FGD6: variants seen among roughly 807,000 people sequenced by gnomAD.
The protein encoded by FGD6 is FYVE, RhoGEF and PH domain-containing protein 6.
Under a neutral mutation model 149.4 loss-of-function variants are expected in FGD6, and 90 were observed. That is an observed-to-expected ratio of 0.60 (90% CI 0.51 to 0.72). FGD6 has a LOEUF of 0.72. FGD6 is among the 30% of genes least tolerant of loss of function. FGD6 has a pLI of 0.00. For missense variants in FGD6, 1,437 were observed against 1,684.8 expected (o/e 0.85, Z 2.57); for synonymous variants, 527 against 584.0 (o/e 0.90, Z 1.41).
intron 3 of FGD6, among the ~76,000 whole-genome samples, chr12:95,154,890 C>G (rs116936039): frequency 6.6e-6 from 1 of 152,154 alleles, no homozygotes; most frequent in African/African-American, 2.4e-5. Flanking sequence ...TTCCCTGAGA[C>G]TCACTGTGAT....
At chr12:95,162,674 GGT>G (rs1238621481) in intron 3 of FGD6, among the ~76,000 whole-genome samples, 1 of 152,154 alleles carries the variant, frequency 6.6e-6, no homozygotes, top group African/African-American at 2.4e-5. Flanking sequence ...ATCAGGCAGA[GGT>G]GTGTCAATCA....
chr12:95,105,044 T>A lies in FGD6; in HGVS notation c.3460A>T (p.Ile1154Phe). The A allele has an allele frequency of 6.2e-7, 1 of 1,609,002 alleles. No homozygotes were observed. The highest frequency in any genetic ancestry group is 8.5e-7 in the Non-Finnish European group (1 of 1,178,900). Residue 1154 changes from isoleucine to phenylalanine, a missense_variant, in exon 14 of 21, where the codon ATT (isoleucine) becomes TTT (phenylalanine). Coordinates refer to ENST00000343958, the MANE Select transcript of FGD6 (RefSeq NM_018351.4). ...TQEAYQNELK[I>F]ESVERSFILS... ...ATGAAGGAACGTTCTACACTTTCAA[T>A]CTTTAATTCATTCTGATAGGCTTCT...
intron 8 of FGD6, among the ~76,000 whole-genome samples, chr12:95,123,490 C>A: frequency 6.6e-6 from 1 of 152,068 alleles, no homozygotes; most frequent in East Asian, 1.9e-4. Flanking sequence ...TCCCCAGGTC[C>A]CTTTTTAGTG....
At chr12:95,127,131 T>C (rs1406209895) in intron 8 of FGD6, among the ~76,000 whole-genome samples, 1 of 152,148 alleles carries the variant, frequency 6.6e-6, no homozygotes, top group African/African-American at 2.4e-5. Flanking sequence ...TTTTTTTTTT[T>C]TTAAATCAAG....
chr12:95,112,535 G>A (rs1308102213), intron 9 of FGD6, among the ~76,000 whole-genome samples: 1 of 152,040 alleles, frequency 6.6e-6, no homozygotes, highest in Admixed American at 6.6e-5. Context: ...AGGAGGCAGA[G>A]GTTGCAGTGA....
chr12:95,107,066 A>G (rs1878652948), intron 12 of FGD6, 29 bp from the exon 13 acceptor site: 1 of 1,545,162 alleles, frequency 6.5e-7, no homozygotes, highest in African/African-American at 1.4e-5. Context: ...CAGGGGAGAA[A>G]GTAAAGAAAC....
At position 95,083,030 on chromosome 12, in the gene FGD6, T is replaced by TATATATATACAC. The variant is rs772685891; in HGVS notation, c.4256+1467_4256+1468insGTGTATATATAT. 7.8e-3 allele frequency among the ~76,000 whole-genome samples: 441 copies of TATATATATACAC among 56,496 alleles called. 11 individuals are homozygous for TATATATATACAC. The highest frequency in any genetic ancestry group is 0.011 in the Non-Finnish European group (343 of 30,520). The allele number at this position is 56,496 out of a possible 152,430, so 37.1% of individuals were successfully genotyped here. A position where few individuals can be genotyped will look rare whatever the true frequency, so the allele number is the denominator to read the frequency against. On this transcript the variant is annotated intron_variant, in intron 20 of 20. Coordinates refer to ENST00000343958, the MANE Select transcript of FGD6 (RefSeq NM_018351.4). ...AAAAAAAAATATATATATATATATATACACACACATACACACACACACACA... is the reference window on the plus strand; with the variant it reads ...AAAAAAAAATATATATATATATATATATATATATACACACACACACATACACACACACACACA...
intron 3 of FGD6, among the ~76,000 whole-genome samples, chr12:95,156,198 T>G (rs547351524): frequency 3.9e-5 from 6 of 152,310 alleles, no homozygotes; most frequent in Admixed American, 6.5e-5. Context: ...ACAAGAGAGA[T>G]AACTTTAAAC....
At chr12:95,151,940 T>G (rs1353279068) in intron 5 of FGD6, among the ~76,000 whole-genome samples, 1 of 152,176 alleles carries the variant, frequency 6.6e-6, no homozygotes, top group East Asian at 1.9e-4. Flanking sequence ...TAATGAAACT[T>G]GTGAAAACCT....
rs1565932993 is a variant in FGD6 at position 95,217,254 on chromosome 12, A to G, written c.-14T>C. 1 of 1,608,756 alleles carries G rather than the reference A, an allele frequency of 6.2e-7. No individual in the cohort carries two copies. Among genetic ancestry groups the G allele is most frequent in the African/African-American group, 1.3e-5 (1 of 74,798 alleles). ...TGCAGAAGTCATGATTCCCCGGTGC[A>G]GCTCGCTTCCCCGCTCGGCCCCTCA... On this transcript the variant is annotated 5_prime_UTR_variant, in exon 1 of 21. Transcript: ENST00000343958.
At chr12:95,135,771 A>C (rs901619252) in intron 7 of FGD6, among the ~76,000 whole-genome samples, 1 of 152,232 alleles carries the variant, frequency 6.6e-6, no homozygotes, top group Non-Finnish European at 1.5e-5. Flanking sequence ...ATGAAATTAT[A>C]ATGATAATGC....
At chr12:95,162,948 G>A (rs1880689962) in intron 3 of FGD6, among the ~76,000 whole-genome samples, 1 of 152,068 alleles carries the variant, frequency 6.6e-6, no homozygotes, top group African/African-American at 2.4e-5. Flanking sequence ...CACTATTACA[G>A]CAACCTAAAA....
In FGD6 at chr12:95,186,225, C is replaced by CTTTTTTTTTTTTT. The variant is rs1881428152; in HGVS notation, c.2442-13482_2442-13481insAAAAAAAAAAAAA. 3.1e-4 allele frequency among the ~76,000 whole-genome samples: 22 copies of CTTTTTTTTTTTTT among 71,184 alleles called. 11 individuals carry two copies. Among genetic ancestry groups the CTTTTTTTTTTTTT allele is most frequent in the South Asian group, 9.7e-4 (2 of 2,072 alleles). 46.7% of individuals were successfully genotyped at this position (71,184 alleles called of 152,430 possible). A position where few individuals can be genotyped will look rare whatever the true frequency, so the allele number is the denominator to read the frequency against. On this transcript the variant is annotated intron_variant, in intron 2 of 20. Coordinates refer to ENST00000343958, the MANE Select transcript of FGD6 (RefSeq NM_018351.4). ...AGCTAAGAATGCTTCTTATATTCTT[C>CTTTTTTTTTTTTT]TTCTTTTTTTTTTTTTTTTTTTTTT...
chr12:95,157,546 A>G (rs1880507915), intron 3 of FGD6, among the ~76,000 whole-genome samples: 1 of 146,942 alleles, frequency 6.8e-6, no homozygotes, highest in Non-Finnish European at 1.5e-5. Context: ...AGCCTAGGCG[A>G]CAAGAGCAAA....
chr12:95,186,228 C>T (rs74537767), intron 2 of FGD6, among the ~76,000 whole-genome samples: 31,927 of 39,036 alleles, frequency 0.82, 13,201 homozygotes, highest in African/African-American at 0.93. Flanking sequence ...TATTCTTCTT[C>T]TTTTTTTTTT....
intron 8 of FGD6, among the ~76,000 whole-genome samples, chr12:95,121,741 C>T (rs1041835288): frequency 4.0e-5 from 6 of 151,892 alleles, no homozygotes; most frequent in Admixed American, 1.3e-4. Context: ...CTGCAATCTC[C>T]GCCTCCTGGG....
intron 5 of FGD6, among the ~76,000 whole-genome samples, chr12:95,150,138 CTG>C (rs1880262397): frequency 1.3e-5 from 2 of 151,604 alleles, no homozygotes; most frequent in African/African-American, 4.8e-5. Flanking sequence ...AGGGATTCTC[CTG>C]CCTCAGCCTC....
chr12:95,175,803 AAAAAAAAAAAAAAAAAG>A (rs1266882978), intron 2 of FGD6, among the ~76,000 whole-genome samples: 1 of 145,600 alleles, frequency 6.9e-6, no homozygotes, highest in African/African-American at 2.5e-5. Flanking sequence ...CTGTCTCAAA[AAAAAAAAAAAAAAAAAG>A]AAAAAAAAAA....
In FGD6 at chr12:95,209,656, T is replaced by C; in HGVS notation, c.1628A>G (p.His543Arg). The change falls in exon 2 of 21, where the codon CAT becomes CGT. Residue 543 changes from histidine to arginine, a missense_variant. This residue lies in a region of FGD6 where 1,055 missense variants were observed against 1,146.0 expected (regional missense o/e 0.92). Coordinates refer to ENST00000343958, the MANE Select transcript of FGD6 (RefSeq NM_018351.4). ...EKSLERNHLQ[H>R]LCAQNRGVSS... Reference sequence around the variant, plus strand: ...CACACCACGGTTTTGGGCACACAAATGCTGAAGGTGATTTCTTTCTAGACT... The same window carrying C: ...CACACCACGGTTTTGGGCACACAAACGCTGAAGGTGATTTCTTTCTAGACT... 6.2e-7 allele frequency: 1 copy of C among 1,613,250 alleles called. No individual in the cohort carries two copies. The highest frequency in any genetic ancestry group is 8.5e-7 in the Non-Finnish European group (1 of 1,179,858).
Sources: gnomAD v4.1 joint callset for allele counts (sites outside exome capture counted in the v4.1 genomes callset) on GRCh38, gnomAD v4.1.1 for gene constraint, gnomAD v4.1.1 regional missense constraint, MANE v1.5 for transcripts, NCBI Gene and HGNC (gene_info 2026-07-23, HGNC 2026-07-21) for gene names.